Variants in CCDC148 observed in about 807,000 individuals in gnomAD.
CCDC148 encodes the protein coiled-coil domain-containing protein 148.
Under a neutral mutation model 85.7 loss-of-function variants are expected in CCDC148, and 89 were observed. The ratio of observed to expected loss-of-function variants is 1.04; its 90% CI spans 0.87 to 1.24. The LOEUF (loss-of-function observed/expected upper bound fraction) is 1.24. Among genes scored for constraint, CCDC148 ranks in the 50% most tolerant of loss-of-function variants. The probability of loss-of-function intolerance (pLI) is 0.00; values close to 1 mark genes in which losing one functional copy is unlikely to be tolerated. For missense variants in CCDC148, 692 were observed against 671.7 expected, an observed-to-expected ratio of 1.03 and a Z score of -0.33; for synonymous variants, 230 against 213.9, an observed-to-expected ratio of 1.08 and a Z score of -0.66.
At chr2:158,373,258 G>A (rs956554422) in intron 1 of CCDC148, among the ~76,000 whole-genome samples, 2 of 151,962 alleles carry the variant, frequency 1.3e-5, no homozygotes, top group Non-Finnish European at 2.9e-5. Context: ...GAAAAGGAAA[G>A]GAAACAGATT....
intron 11 of CCDC148, among the ~76,000 whole-genome samples, chr2:158,217,772 T>A (rs1315622734): frequency 6.6e-6 from 1 of 152,198 alleles, no homozygotes; most frequent in Non-Finnish European, 1.5e-5. Flanking sequence ...GACGGAAGTT[T>A]TCAAACCCTC....
chr2:158,327,827 T>C (rs1252956888), intron 7 of CCDC148, among the ~76,000 whole-genome samples: 1 of 152,148 alleles, frequency 6.6e-6, no homozygotes, highest in Non-Finnish European at 1.5e-5. Flanking sequence ...ACATTTGAAA[T>C]TTTTTTCCTA....
At chr2:158,326,922 C>T (rs10171865) in intron 7 of CCDC148, among the ~76,000 whole-genome samples, 25,609 of 151,992 alleles carry the variant, frequency 0.17, 3,481 homozygotes, top group African/African-American at 0.38. Context: ...GTAGACTGTG[C>T]ATTGCTTTGA....
chr2:158,433,089 A>ATATATATATATATAT (rs57003336), intron 1 of CCDC148, among the ~76,000 whole-genome samples: 149 of 64,982 alleles, frequency 2.3e-3, no homozygotes, highest in South Asian at 5.1e-3. Context: ...AAAAAAAAAA[A>ATATATATATATATAT]AAATATATAT....
intron 8 of CCDC148, among the ~76,000 whole-genome samples, chr2:158,312,676 A>T (rs2883852): frequency 3.3e-5 from 5 of 151,616 alleles, no homozygotes; most frequent in Admixed American, 6.6e-5. Context: ...AGTTATAAAT[A>T]ACAACTTGTC....
intron 7 of CCDC148, among the ~76,000 whole-genome samples, chr2:158,316,964 C>T (rs1309752798): frequency 1.3e-5 from 2 of 152,162 alleles, no homozygotes; most frequent in Non-Finnish European, 2.9e-5. Context: ...AAACCTTCAT[C>T]TTTTTTGTAT....
At chr2:158,255,796 G>C (rs1423571756) in intron 9 of CCDC148, among the ~76,000 whole-genome samples, 1 of 151,740 alleles carries the variant, frequency 6.6e-6, no homozygotes, top group African/African-American at 2.4e-5. Context: ...CCAGGAGTGT[G>C]TGTTATAGGA....
Position 158,211,035 on chromosome 2 carries a change from G to C in CCDC148, c.1370+9560C>G, listed in dbSNP as rs940763241. ...GAACATCACACACCAGGGCCTACTT[G>C]GGGGTTGGGGGCTAGGGGAGGGATA... On this transcript the variant is annotated intron_variant, in intron 11 of 13. Transcript: ENST00000283233. 3.2e-4 allele frequency among the ~76,000 whole-genome samples: 49 copies of C among 151,684 alleles called. 1 individual carries two copies. Among genetic ancestry groups the C allele is most frequent in the Non-Finnish European group, 1.3e-4 (9 of 67,878 alleles).
At chr2:158,450,199 A>C (rs1688349822) in intron 1 of CCDC148, among the ~76,000 whole-genome samples, 1 of 152,026 alleles carries the variant, frequency 6.6e-6, no homozygotes, top group Non-Finnish European at 1.5e-5. Flanking sequence ...TGAATGATTC[A>C]TTTTCTCTCT....
intron 11 of CCDC148, among the ~76,000 whole-genome samples, chr2:158,204,939 G>A (rs1686161082): frequency 6.6e-6 from 1 of 152,190 alleles, no homozygotes; most frequent in African/African-American, 2.4e-5. Context: ...GGGCCCAGCA[G>A]TCTGGAGAGG....
At chr2:158,186,204 G>A (rs1010252993) in intron 11 of CCDC148, among the ~76,000 whole-genome samples, 1 of 152,072 alleles carries the variant, frequency 6.6e-6, no homozygotes, top group Admixed American at 6.6e-5. Flanking sequence ...GGCTGGGTCA[G>A]TGTCCAATAT....
At chr2:158,436,725 C>T (rs1055505102) in intron 1 of CCDC148, among the ~76,000 whole-genome samples, 8 of 151,876 alleles carry the variant, frequency 5.3e-5, no homozygotes, top group South Asian at 4.2e-4. Flanking sequence ...ATTGATAGAC[C>T]GCTAGCAAGA....
At chr2:158,297,278 TC>T (rs1161282183) in intron 9 of CCDC148, among the ~76,000 whole-genome samples, 1 of 152,194 alleles carries the variant, frequency 6.6e-6, no homozygotes, top group Non-Finnish European at 1.5e-5. Context: ...ACTTGCTGTA[TC>T]TCCTGAGCAA....
rs539511904 is a variant in CCDC148 at position 158,390,972 on chromosome 2, T to C, written c.26-32402A>G. Among the ~76,000 whole-genome samples the C allele has an allele frequency of 2.0e-5, 3 of 152,308 alleles. No individual in the cohort carries two copies. In the South Asian group the frequency reaches 6.2e-4, roughly 32 times the overall value. On this transcript the variant is annotated intron_variant, in intron 1 of 13. Transcript: ENST00000283233. ...ACTGCCCTATACAATAGCTGTTATT[T>C]GAGACTTATCTTTATGGGCAGGCAA...
intron 2 of CCDC148, among the ~76,000 whole-genome samples, chr2:158,347,967 T>C (rs80337490): frequency 0.071 from 10,811 of 152,144 alleles, 532 homozygotes; most frequent in South Asian, 0.12. Flanking sequence ...AAAACTCAAT[T>C]GTTTAACAAA....
At chr2:158,328,928 G>A (rs1178526223) in intron 7 of CCDC148, among the ~76,000 whole-genome samples, 2 of 151,870 alleles carry the variant, frequency 1.3e-5, no homozygotes, top group African/African-American at 2.4e-5. Flanking sequence ...TTTGTCAGAT[G>A]AGTAGAATGC....
At chr2:158,195,141 A>G (rs1357378981) in intron 11 of CCDC148, among the ~76,000 whole-genome samples, 4 of 151,914 alleles carry the variant, frequency 2.6e-5, no homozygotes, top group Non-Finnish European at 4.4e-5. Context: ...TTCCTGAAAG[A>G]TATTTCCAGT....
At chr2:158,277,821 C>T (rs1408351072) in intron 9 of CCDC148, among the ~76,000 whole-genome samples, 1 of 152,174 alleles carries the variant, frequency 6.6e-6, no homozygotes, top group Non-Finnish European at 1.5e-5. Flanking sequence ...TGGTCTCAAT[C>T]TCCTGACCTT....
intron 11 of CCDC148, among the ~76,000 whole-genome samples, chr2:158,209,582 C>T (rs1417021974): frequency 1.3e-5 from 2 of 152,240 alleles, no homozygotes; most frequent in South Asian, 2.1e-4. Flanking sequence ...GGGTTACCCA[C>T]GAAGGGATGC....
Sources: allele counts gnomAD v4.1 joint callset (sites outside exome capture counted in the v4.1 genomes callset), GRCh38; gene constraint gnomAD v4.1.1; transcripts MANE v1.5; gene names NCBI Gene and HGNC (gene_info 2026-07-23, HGNC 2026-07-21).